BABAM2: variants seen among roughly 807,000 people sequenced by gnomAD.
BABAM2 encodes BRISC and BRCA1-A complex member 2.
BABAM2 carries 31 observed loss-of-function variants against 54.7 expected under a neutral mutation model. That is an observed-to-expected ratio of 0.57 (90% CI 0.43 to 0.77). The LOEUF (loss-of-function observed/expected upper bound fraction) is 0.77. Among genes scored for constraint, BABAM2 ranks in the 30% least tolerant of loss-of-function variants. The probability of loss-of-function intolerance (pLI) is 0.00; values close to 1 mark genes in which losing one functional copy is unlikely to be tolerated. For missense variants in BABAM2, 364 were observed against 455.8 expected (o/e 0.80, Z 1.83); for synonymous variants, 167 against 162.9 (o/e 1.03, Z -0.19).
At chr2:28,326,862 C>T (rs1314549484) in intron 11 of BABAM2, among the ~76,000 whole-genome samples, 3 of 152,244 alleles carry the variant, frequency 2.0e-5, no homozygotes, top group African/African-American at 7.2e-5. Flanking sequence ...ATCCTAACCT[C>T]CCGCCCTTAG....
Position 28,298,391 on chromosome 2 carries a change from G to A in BABAM2, c.988G>A (p.Val330Ile), listed in dbSNP as rs776406129. 2.7e-5 allele frequency: 44 copies of A among 1,613,852 alleles called. No individual in the cohort carries two copies. Among genetic ancestry groups the A allele is most frequent in the South Asian group, 4.4e-5 (4 of 91,068 alleles). ...CCAGCCAACTCTCACATTTCAGTCC[G>A]TTTATCACTTTACCAACAGTGGACA... ...RDQPTLTFQSVYHFTNSGQLY... is the reference protein window; with the variant it reads ...RDQPTLTFQSIYHFTNSGQLY... The change falls in exon 11 of 12, where the codon GTT (valine) becomes ATT (isoleucine). Residue 330 changes from valine (V) to isoleucine (I), a missense_variant. Val to Ile is a conservative substitution (Grantham distance 29, BLOSUM62 3). Coordinates refer to ENST00000379624, the MANE Select transcript of BABAM2 (RefSeq NM_199191.3).
rs183819922 is a variant in BABAM2, at chr2:28,243,230, G to T, written c.852-1550G>T. ...GATATCAGCACTATAACATTATTGG[G>T]CTAATTATAAATTCATAGAGAGGCC... On this transcript the variant is annotated intron_variant, in intron 9 of 11. Transcript: ENST00000379624. 1.9e-4 allele frequency among the ~76,000 whole-genome samples: 29 copies of T among 152,086 alleles called. No individual in the cohort carries two copies. In the East Asian group the frequency reaches 5.4e-3, roughly 28 times the overall value.
chr2:28,198,684 T>C (rs1677907985), intron 7 of BABAM2, among the ~76,000 whole-genome samples: 1 of 152,140 alleles, frequency 6.6e-6, no homozygotes, highest in Non-Finnish European at 1.5e-5. Context: ...GTGTTGCCCT[T>C]GAGAGATTAG....
At chr2:28,219,359 C>T (rs1038290840) in intron 7 of BABAM2, among the ~76,000 whole-genome samples, 1 of 152,200 alleles carries the variant, frequency 6.6e-6, no homozygotes, top group Non-Finnish European at 1.5e-5. Flanking sequence ...TTTTTCCTGC[C>T]TCTTCTTCTG....
chr2:27,934,803 A>G (rs755302750), intron 3 of BABAM2, among the ~76,000 whole-genome samples: 1 of 152,244 alleles, frequency 6.6e-6, no homozygotes, highest in Non-Finnish European at 1.5e-5. Flanking sequence ...CCAAAGCCTA[A>G]TCAAGAACAA....
At chr2:28,201,568 T>A (rs1408400463) in intron 7 of BABAM2, among the ~76,000 whole-genome samples, 2 of 152,146 alleles carry the variant, frequency 1.3e-5, no homozygotes, top group Non-Finnish European at 2.9e-5. Context: ...GTGGCCTTAG[T>A]TGTCACCAGG....
chr2:27,911,635 C>T (rs1290494297), intron 2 of BABAM2, among the ~76,000 whole-genome samples: 1 of 152,168 alleles, frequency 6.6e-6, no homozygotes, highest in African/African-American at 2.4e-5. Context: ...GGTATCATTA[C>T]TTCTTGAAAT....
intron 3 of BABAM2, among the ~76,000 whole-genome samples, chr2:27,977,931 A>G (rs74347673): frequency 6.6e-6 from 1 of 152,332 alleles, no homozygotes; most frequent in African/African-American, 2.4e-5. Flanking sequence ...AGTTCTCAGA[A>G]CCAGCAAATG....
chr2:28,295,168 A>G (rs1687582716), intron 10 of BABAM2, among the ~76,000 whole-genome samples: 1 of 152,234 alleles, frequency 6.6e-6, no homozygotes, highest in Non-Finnish European at 1.5e-5. Context: ...ATATTAAAAT[A>G]TTAATACCAG....
chr2:28,118,364 C>G (rs1416422700), intron 6 of BABAM2, among the ~76,000 whole-genome samples: 1 of 152,178 alleles, frequency 6.6e-6, no homozygotes, highest in East Asian at 1.9e-4. Flanking sequence ...TGTTTCTCCA[C>G]AACCTCGCCA....
At chr2:27,896,847 T>C in intron 2 of BABAM2, 1 of 213,968 alleles carries the variant, frequency 4.7e-6, no homozygotes. Context: ...CCGCCATTGC[T>C]TCCCAGGTGA....
At chr2:28,310,898 A>G (rs1689019437) in intron 11 of BABAM2, among the ~76,000 whole-genome samples, 1 of 151,528 alleles carries the variant, frequency 6.6e-6, no homozygotes, top group Admixed American at 6.6e-5. Flanking sequence ...ATAAAAATAA[A>G]GAAAAAAAGA....
At chr2:28,209,173 G>T (rs1011870432) in intron 7 of BABAM2, among the ~76,000 whole-genome samples, 5 of 152,150 alleles carry the variant, frequency 3.3e-5, no homozygotes, top group African/African-American at 1.2e-4. Flanking sequence ...CTTTACTAAA[G>T]GGTCTAAAGG....
chr2:27,890,243 G>C (rs771177489), upstream of BABAM2: 1 of 1,612,248 alleles, frequency 6.2e-7, no homozygotes, highest in Non-Finnish European at 8.5e-7. This position sits in a 1 kb window ranked among gnomAD's most constrained non-coding sequence, Gnocchi z 4.8. Flanking sequence ...CTGAGTAACT[G>C]GCCCCGGACT....
At chr2:27,892,044 T>C (rs1664899811) in intron 1 of BABAM2, among the ~76,000 whole-genome samples, 2 of 152,232 alleles carry the variant, frequency 1.3e-5, no homozygotes, top group Non-Finnish European at 2.9e-5. Flanking sequence ...TTATAAGATA[T>C]ACGCTTTACA....
rs537384301 is a variant in BABAM2 at position 27,958,905 on chromosome 2, T to A, written c.205+28997T>A. Among the ~76,000 whole-genome samples the A allele has an allele frequency of 4.6e-4, 70 of 152,288 alleles. 1 individual carries two copies. The highest frequency in any genetic ancestry group is 1.6e-3 in the African/African-American group (66 of 41,572). Reference sequence around the variant, plus strand: ...GAGTGCCTTGGGCTCAATGTGGCTCTGTGTTCGTGAGTTCTGAATCTCAAG... The same window carrying A: ...GAGTGCCTTGGGCTCAATGTGGCTCAGTGTTCGTGAGTTCTGAATCTCAAG... On this transcript the variant is annotated intron_variant, in intron 3 of 11. Coordinates refer to ENST00000379624, the MANE Select transcript of BABAM2 (RefSeq NM_199191.3).
At chr2:28,205,457 T>C (rs1558434838) in intron 7 of BABAM2, among the ~76,000 whole-genome samples, 1 of 152,052 alleles carries the variant, frequency 6.6e-6, no homozygotes, top group Non-Finnish European at 1.5e-5. Context: ...GAGCTGAGAT[T>C]GTGCCACTGC....
intron 7 of BABAM2, among the ~76,000 whole-genome samples, chr2:28,166,653 G>T (rs1165727428): frequency 3.3e-5 from 5 of 152,122 alleles, no homozygotes; most frequent in African/African-American, 4.8e-5. Context: ...TGGCGTGACT[G>T]TGTTTGAGTC....
chr2:27,990,289 A>T (rs1474302082), intron 4 of BABAM2, among the ~76,000 whole-genome samples: 1 of 152,188 alleles, frequency 6.6e-6, no homozygotes, highest in Non-Finnish European at 1.5e-5. Flanking sequence ...AAAACACCAG[A>T]CAGGTTAACT....
Sources: gnomAD v4.1 joint callset for allele counts (sites outside exome capture counted in the v4.1 genomes callset) on GRCh38, gnomAD v4.1.1 for gene constraint, Gnocchi (gnomAD v3.1) non-coding constraint, MANE v1.5 for transcripts, NCBI Gene and HGNC (gene_info 2026-07-23, HGNC 2026-07-21) for gene names.